COL4A4: variants seen among roughly 807,000 people sequenced by gnomAD.
The protein encoded by COL4A4 is collagen alpha-4(IV) chain.
COL4A4 carries 105 observed loss-of-function variants against 192.9 expected under a neutral mutation model. That is an observed-to-expected ratio of 0.54 (90% CI 0.46 to 0.64). The LOEUF is 0.64. COL4A4 is among the 30% of genes least tolerant of loss of function. The pLI is 0.00. For missense variants in COL4A4, 1,967 were observed against 2,169.3 expected (o/e 0.91, Z 1.85); for synonymous variants, 762 against 769.9 (o/e 0.99, Z 0.17).
chr2:226,993,125 C>T, the COL4A4 span, among the ~76,000 whole-genome samples: 1 of 152,150 alleles, frequency 6.6e-6, no homozygotes, highest in Non-Finnish European at 1.5e-5. Context: ...AGAGCTGGAC[C>T]TCGGGCATCT....
At chr2:227,100,781 T>TG (rs60582196) in intron 17 of COL4A4, among the ~76,000 whole-genome samples, 2 of 150,594 alleles carry the variant, frequency 1.3e-5, no homozygotes, top group African/African-American at 2.4e-5. Context: ...GATTGAATTA[T>TG]GGGGGGTGGG....
At chr2:227,001,397 C>G (rs1960925865), downstream of COL4A4, among the ~76,000 whole-genome samples, 1 of 151,898 alleles carries the variant, frequency 6.6e-6, no homozygotes. Flanking sequence ...GGGATTCCCC[C>G]AAAATAGCTC....
intron 46 of COL4A4, among the ~76,000 whole-genome samples, chr2:227,008,924 G>A (rs911292533): frequency 2.0e-5 from 3 of 152,314 alleles, no homozygotes; most frequent in Middle Eastern, 3.4e-3. Flanking sequence ...TCGTTAAGGA[G>A]TTTGGACTTT....
chr2:227,083,608 G>T (rs925289669), intron 22 of COL4A4, among the ~76,000 whole-genome samples: 1 of 151,998 alleles, frequency 6.6e-6, no homozygotes, highest in Admixed American at 6.6e-5. Context: ...CACCATGCCT[G>T]GCTAATTGGA....
the COL4A4 span, among the ~76,000 whole-genome samples, chr2:226,986,063 G>A: frequency 1.3e-5 from 2 of 152,166 alleles, no homozygotes; most frequent in African/African-American, 2.4e-5. Flanking sequence ...CACCTCTATG[G>A]TATTCTTCAC....
intron 35 of COL4A4, 26 bp from the exon 36 acceptor site, chr2:227,043,210 G>A (rs773698501): frequency 6.3e-7 from 1 of 1,576,520 alleles, no homozygotes; most frequent in Non-Finnish European, 8.7e-7. Context: ...TCAAACATCA[G>A]AGTTGCCGTT....
intron 27 of COL4A4, 23 bp downstream of exon 27, chr2:227,060,113 A>AAAAAAAAAAAAC: frequency 7.9e-7 from 1 of 1,269,950 alleles, no homozygotes; most frequent in Non-Finnish European, 1.1e-6. Flanking sequence ...AAAAAAAAAA[A>AAAAAAAAAAAAC]AAAAAAAAAA....
Position 227,051,179 on chromosome 2 carries a change from A to C in COL4A4, c.2969-21T>G, listed in dbSNP as rs201506979. 894 of 1,613,700 alleles carry C rather than the reference A, an allele frequency of 5.5e-4. No individual in the cohort carries two copies. Among genetic ancestry groups the C allele is most frequent in the Non-Finnish European group, 7.4e-4 (870 of 1,179,734 alleles). On this transcript the variant is annotated intron_variant, in intron 32 of 47. Transcript: ENST00000396625. ...ATCACCTGATGAAGTTGGAAGTGTT[A>C]CAGGTCTCTGCTGAAATTTTGAGCT...
intron 32 of COL4A4, among the ~76,000 whole-genome samples, chr2:227,051,865 A>G (rs1371340780): frequency 6.6e-6 from 1 of 152,188 alleles, no homozygotes; most frequent in Non-Finnish European, 1.5e-5. Flanking sequence ...CAAAAAATGT[A>G]CCACAAGGTT....
Position 227,104,033 on chromosome 2 carries a change from C to A in COL4A4, c.755G>T (p.Gly252Val), listed in dbSNP as rs760795817. 6 of 1,613,102 alleles carry A rather than the reference C, an allele frequency of 3.7e-6. No individual in the cohort carries two copies. The highest frequency in any genetic ancestry group is 3.3e-5 in the Admixed American group (2 of 59,956). The stretch of plus-strand genomic sequence containing the variant: ...TACCAACAGGGTGGGTCCAGGAGAA[C>A]CTTGCTGACCAACCTCACCCTTAAA... ...MGDPGEVGQQ[G>V]SPGPTLLVEP... Residue 252 changes from glycine (G) to valine (V), a missense_variant, in exon 13 of 48, where the codon GGT becomes GTT. Coordinates refer to ENST00000396625, the MANE Select transcript of COL4A4 (RefSeq NM_000092.5).
chr2:226,983,010 G>A, the COL4A4 span, among the ~76,000 whole-genome samples: 2 of 152,198 alleles, frequency 1.3e-5, no homozygotes, highest in African/African-American at 2.4e-5. Context: ...GAAACTACCA[G>A]TCTTTGACTC....
At chr2:226,969,416 A>G in the COL4A4 span, among the ~76,000 whole-genome samples, 1 of 59,752 alleles carries the variant, frequency 1.7e-5, no homozygotes, top group East Asian at 4.4e-4. Flanking sequence ...TTTTTTTTTA[A>G]GGAAGTAGAC....
intron 25 of COL4A4, among the ~76,000 whole-genome samples, chr2:227,071,550 C>T (rs1434166335): frequency 7.7e-6 from 1 of 130,128 alleles, no homozygotes; most frequent in African/African-American, 2.7e-5. Context: ...AGCAAATTAA[C>T]TTAACAGACA....
chr2:227,081,212 A>G lies in COL4A4; in HGVS notation c.1697-663T>C, dbSNP rs1440199263. ...TGTGAGGGTGTTGCCAGAGGAGATT[A>G]ACATTTGAGTCAGTGGACTGCGACA... On this transcript the variant is annotated intron_variant, in intron 23 of 47. Coordinates refer to ENST00000396625, the MANE Select transcript of COL4A4 (RefSeq NM_000092.5). Among the ~76,000 whole-genome samples, 4 of 152,174 alleles carry G rather than the reference A, an allele frequency of 2.6e-5. No homozygotes were observed. In the East Asian group the frequency reaches 5.8e-4, roughly 22 times the overall value.
intron 9 of COL4A4, among the ~76,000 whole-genome samples, chr2:227,110,979 C>T (rs778463277): frequency 7.9e-5 from 12 of 152,172 alleles, no homozygotes; most frequent in South Asian, 2.1e-4. Flanking sequence ...CACGCCTGGC[C>T]GGCAAAACTG....
Position 227,018,661 on chromosome 2 carries a change from G to A in COL4A4, c.4216+3387C>T, listed in dbSNP as rs1226216075. ...GAAGGCGATGCTTCACCAGAACGAC[G>A]GGGCACTTTTTAAAAAACATCATAA... On this transcript the variant is annotated intron_variant, in intron 44 of 47. Coordinates refer to ENST00000396625, the MANE Select transcript of COL4A4 (RefSeq NM_000092.5). 9.2e-5 allele frequency among the ~76,000 whole-genome samples: 14 copies of A among 152,102 alleles called. No homozygotes were observed. The East Asian group carries it at 1.5e-3, about 17-fold the overall frequency.
chr2:227,096,478 G>A (rs373146674), intron 19 of COL4A4, among the ~76,000 whole-genome samples: 8 of 152,216 alleles, frequency 5.3e-5, no homozygotes, highest in South Asian at 4.2e-4. Context: ...CATATGTGCC[G>A]GGCTTCAGTA....
At chr2:226,975,504 C>G in the COL4A4 span, among the ~76,000 whole-genome samples, 1 of 152,162 alleles carries the variant, frequency 6.6e-6, no homozygotes, top group African/African-American at 2.4e-5. Flanking sequence ...TTATTTCCCC[C>G]TCGGGCCACC....
intron 43 of COL4A4, among the ~76,000 whole-genome samples, chr2:227,024,614 A>G (rs1559436170): frequency 6.6e-6 from 1 of 152,248 alleles, no homozygotes; most frequent in East Asian, 1.9e-4. Context: ...CCTTAACAAA[A>G]TGTGGCATAA....
Sources: gnomAD v4.1 joint callset for allele counts (sites outside exome capture counted in the v4.1 genomes callset) on GRCh38, gnomAD v4.1.1 for gene constraint, MANE v1.5 for transcripts, NCBI Gene and HGNC (gene_info 2026-07-23, HGNC 2026-07-21) for gene names.